Variants in OPCML observed in about 807,000 individuals in gnomAD.
OPCML encodes opioid binding protein/cell adhesion molecule like.
Under a neutral mutation model 37.8 loss-of-function variants are expected in OPCML, and 13 were observed. The observed-to-expected ratio is 0.34, with a 90% CI of 0.22 to 0.55. OPCML has a LOEUF of 0.55. Among genes scored for constraint, OPCML ranks in the 20% least tolerant of loss-of-function variants. OPCML has a pLI of 0.91. For missense variants in OPCML, 341 were observed against 435.6 expected (o/e 0.78, Z 1.93); for synonymous variants, 176 against 168.8 (o/e 1.04, Z -0.33).
chr11:133,297,839 G>T (rs1942668562), intron 1 of OPCML: 1 of 152,070 alleles, frequency 6.6e-6, no homozygotes, highest in Non-Finnish European at 1.5e-5. Flanking sequence ...TAGGAGGTCA[G>T]CAAAAAAAGT....
chr11:133,460,767 G>A (rs553010117), intron 1 of OPCML, among the ~76,000 whole-genome samples: 28 of 151,930 alleles, frequency 1.8e-4, no homozygotes, highest in South Asian at 1.5e-3. Flanking sequence ...AACACTTAAC[G>A]AATTAACACC....
chr11:132,836,718 C>T (rs1941020579), intron 2 of OPCML, among the ~76,000 whole-genome samples: 1 of 152,062 alleles, frequency 6.6e-6, no homozygotes, highest in African/African-American at 2.4e-5. Context: ...GAGCTAGAGG[C>T]AAGGATATGT....
At chr11:132,590,455 T>C (rs920156454) in intron 3 of OPCML, among the ~76,000 whole-genome samples, 5 of 152,188 alleles carry the variant, frequency 3.3e-5, no homozygotes, top group Admixed American at 1.3e-4. Flanking sequence ...GCTTTCATGT[T>C]GGTAATATCA....
intron 1 of OPCML, among the ~76,000 whole-genome samples, chr11:133,410,029 G>C (rs75262092): frequency 0.038 from 5,710 of 152,182 alleles, 145 homozygotes; most frequent in Non-Finnish European, 0.056. Flanking sequence ...GAAGCTGATT[G>C]ACAGGACAAC....
At chr11:132,881,808 A>T (rs1046934794) in intron 2 of OPCML, among the ~76,000 whole-genome samples, 1 of 152,168 alleles carries the variant, frequency 6.6e-6, no homozygotes, top group African/African-American at 2.4e-5. Flanking sequence ...TAGTGCTGAA[A>T]AGTTGTGTTC....
intron 1 of OPCML, among the ~76,000 whole-genome samples, chr11:133,236,309 C>T (rs1487578523): frequency 2.6e-5 from 4 of 152,150 alleles, no homozygotes; most frequent in African/African-American, 4.8e-5. Context: ...TTAGATGGCA[C>T]AGGACGGCAC....
intron 1 of OPCML, among the ~76,000 whole-genome samples, chr11:132,946,653 C>T (rs568931275): frequency 6.6e-6 from 1 of 152,154 alleles, no homozygotes; most frequent in African/African-American, 2.4e-5. Context: ...TAGGTCCTTT[C>T]CAGAAAGCAG....
chr11:133,083,138 A>G (rs1485965868), intron 1 of OPCML, among the ~76,000 whole-genome samples: 1 of 147,766 alleles, frequency 6.8e-6, no homozygotes, highest in Non-Finnish European at 1.5e-5. Context: ...CACCACGCAC[A>G]CACACGCACA....
intron 1 of OPCML, among the ~76,000 whole-genome samples, chr11:133,497,660 A>G (rs947183488): frequency 6.6e-6 from 1 of 152,160 alleles, no homozygotes; most frequent in Non-Finnish European, 1.5e-5. Flanking sequence ...GTATGCGTAC[A>G]GAGCACACAG....
intron 1 of OPCML, among the ~76,000 whole-genome samples, chr11:133,529,445 C>T (rs1224729944): frequency 6.6e-6 from 1 of 152,196 alleles, no homozygotes; most frequent in African/African-American, 2.4e-5. Context: ...TCTAGCATGA[C>T]AAGTCAGTTG....
intron 2 of OPCML, among the ~76,000 whole-genome samples, chr11:132,798,038 C>A (rs1256060879): frequency 6.6e-6 from 1 of 152,090 alleles, no homozygotes; most frequent in Non-Finnish European, 1.5e-5. Context: ...TCCTCTCAAA[C>A]CCTGCTGCTG....
chr11:133,137,867 G>A (rs927703557), intron 1 of OPCML, among the ~76,000 whole-genome samples: 5 of 152,190 alleles, frequency 3.3e-5, no homozygotes, highest in African/African-American at 1.2e-4. Flanking sequence ...TCCAGTGAAA[G>A]TGTGAACAGT....
chr11:132,847,218 G>C (rs1244822282), intron 2 of OPCML, among the ~76,000 whole-genome samples: 3 of 152,052 alleles, frequency 2.0e-5, no homozygotes, highest in Non-Finnish European at 4.4e-5. Context: ...AAAACCAGTA[G>C]GAAGACACCT....
rs183465976 is a variant in OPCML, at chr11:133,026,745, C to T, written c.62-83735G>A. On this transcript the variant is annotated intron_variant, in intron 1 of 7. Coordinates refer to ENST00000524381, the MANE Select transcript of OPCML (RefSeq NM_001012393.5). ...TGCCTGCAATCAGTTTTGTCTTTCC[C>T]GCTAGTGTCTAAGTATGACAACTGT... is the stretch of plus-strand genomic sequence containing the variant. 3.5e-4 allele frequency among the ~76,000 whole-genome samples: 54 copies of T among 152,174 alleles called. 1 individual carries two copies. The highest frequency in any genetic ancestry group is 1.1e-3 in the African/African-American group (47 of 41,516).
At chr11:132,945,205 T>G (rs1343923527) in intron 1 of OPCML, among the ~76,000 whole-genome samples, 1 of 152,264 alleles carries the variant, frequency 6.6e-6, no homozygotes, top group Non-Finnish European at 1.5e-5. Context: ...ATCTGAGAAC[T>G]GTCTTTAGGA....
At chr11:132,607,484 G>C (rs1232783511) in intron 3 of OPCML, among the ~76,000 whole-genome samples, 1 of 152,208 alleles carries the variant, frequency 6.6e-6, no homozygotes, top group Non-Finnish European at 1.5e-5. Context: ...GCCACATTGA[G>C]TTGGGTCGGG....
chr11:132,521,098 T>C (rs146138510), intron 4 of OPCML, among the ~76,000 whole-genome samples: 3,443 of 152,268 alleles, frequency 0.023, 109 homozygotes, highest in African/African-American at 0.07. Flanking sequence ...TGGTATCTCA[T>C]TGTGATTTTG....
chr11:133,158,713 A>T (rs552477596), intron 1 of OPCML, among the ~76,000 whole-genome samples: 59 of 33,320 alleles, frequency 1.8e-3, no homozygotes, highest in African/African-American at 0.01. Flanking sequence ...TAAAATTAAA[A>T]AAATAAAATA....
chr11:132,578,742 A>G (rs945872337), intron 3 of OPCML, among the ~76,000 whole-genome samples: 1 of 152,228 alleles, frequency 6.6e-6, no homozygotes, highest in Admixed American at 6.5e-5. Context: ...ACAACACCCA[A>G]TGACACATGC....
Sources: gnomAD v4.1 joint callset for allele counts (sites outside exome capture counted in the v4.1 genomes callset) on GRCh38, gnomAD v4.1.1 for gene constraint, MANE v1.5 for transcripts, NCBI Gene and HGNC (gene_info 2026-07-23, HGNC 2026-07-21) for gene names.